TMEM201: variants seen among roughly 807,000 people sequenced by gnomAD.
TMEM201 encodes the protein RP13-15M17.2.
A neutral mutation model predicts 63.4 loss-of-function variants in TMEM201; 26 were observed. The observed-to-expected ratio is 0.41, with a 90% CI of 0.30 to 0.57. The LOEUF (loss-of-function observed/expected upper bound fraction) is 0.57. Ranked by LOEUF, TMEM201 falls within the 20% of genes least tolerant of loss-of-function variation. The probability of loss-of-function intolerance (pLI) is 0.29; values close to 1 mark genes in which losing one functional copy is unlikely to be tolerated. For synonymous variants in TMEM201, 417 were observed against 421.6 expected (o/e 0.99, Z 0.14); for missense variants, 794 against 917.7 (o/e 0.87, Z 1.74).
Position 9,591,359 on chromosome 1 carries a change from GCTTGTCAGCCC to G in TMEM201, c.113+2317_113+2327del, listed in dbSNP as rs1287544707. ...GGCCCTGCCTCGCACCAGAACTTCA[GCTTGTCAGCCC>G]AGCTTCAACCTCTGGGTGCTCATGG... On this transcript the variant is annotated intron_variant, in intron 1 of 10. Transcript: ENST00000340381. Among the ~76,000 whole-genome samples the G allele has an allele frequency of 3.9e-5, 6 of 152,360 alleles. No homozygotes were observed. The East Asian group carries it at 1.2e-3, about 29-fold the overall frequency.
At position 9,598,480 on chromosome 1, in the gene TMEM201, G is replaced by T; in HGVS notation, c.461G>T (p.Arg154Leu). 1 of 1,613,866 alleles carries T rather than the reference G, an allele frequency of 6.2e-7. No homozygotes were observed. Among genetic ancestry groups the T allele is most frequent in the Non-Finnish European group, 8.5e-7 (1 of 1,179,928 alleles). ...GRYDEEVEVY[R>L]HHLEQMYKLC... ...TATGACGAGGAGGTCGAGGTGTACC[G>T]GCATCACCTGGAGCAGATGTACAAG... Residue 154 changes from arginine to leucine, a missense_variant, in exon 4 of 11, where the codon CGG becomes CTG. By Grantham distance (102) the Arg-to-Leu change is moderately radical. Transcript: ENST00000340381.
intron 6 of TMEM201, chr1:9,602,997 G>A: frequency 1.0e-6 from 1 of 985,626 alleles, no homozygotes. Flanking sequence ...AGTTTGGGGA[G>A]CGAGACCCCA....
intron 9 of TMEM201, among the ~76,000 whole-genome samples, chr1:9,611,444 C>T (rs900875413): frequency 9.9e-5 from 15 of 152,234 alleles, no homozygotes; most frequent in African/African-American, 3.4e-4. Context: ...GTGACCCACC[C>T]ATCTTGGCTT....
rs576756183 is a variant in TMEM201 at position 9,601,440 on chromosome 1, G to C, written c.942G>C (p.Leu314=). The C allele has an allele frequency of 6.4e-5, 101 of 1,587,530 alleles. 1 individual carries two copies. Among genetic ancestry groups the C allele is most frequent in the South Asian group, 5.8e-4 (52 of 89,828 alleles). Residue 314 remains leucine (L), a synonymous_variant, in exon 5 of 11, where the codon CTG becomes CTC. Coordinates refer to ENST00000340381, the MANE Select transcript of TMEM201 (RefSeq NM_001130924.3). ...TCACCTGCCTGCTGGCAATGCTGCT[G>C]GCTGGCCGCATCAGGTGTGCATGGG... is the stretch of plus-strand genomic sequence containing the variant. The part of the protein sequence containing the change: ...GLLTCLLAML[L]AGRIRLRRID...
In TMEM201 at chr1:9,592,292, C is replaced by G. The variant is rs183913348; in HGVS notation, c.113+3249C>G. 2.5e-3 allele frequency among the ~76,000 whole-genome samples: 386 copies of G among 152,318 alleles called. 3 individuals carry two copies. Among genetic ancestry groups the G allele is most frequent in the African/African-American group, 8.8e-3 (366 of 41,574 alleles). On this transcript the variant is annotated intron_variant, in intron 1 of 10. Transcript: ENST00000340381. ...GGTGAGGAGCTGCTTGGGAGGCTGG[C>G]CTCTGGCTCCCTGGCCCCTGAGGGA...
chr1:9,603,516 G>A lies in TMEM201; in HGVS notation c.1160+1244G>A, dbSNP rs548554901. 161 of 985,526 alleles carry A rather than the reference G, an allele frequency of 1.6e-4. 1 individual carries two copies. The highest frequency in any genetic ancestry group is 2.5e-4 in the Admixed American group (4 of 16,282). The allele number at this position is 985,526 out of a possible 1,614,324, so 61.0% of individuals were successfully genotyped here. A position where few individuals can be genotyped will look rare whatever the true frequency, so the allele number is the denominator to read the frequency against. On this transcript the variant is annotated intron_variant, in intron 6 of 10. Coordinates refer to ENST00000340381, the MANE Select transcript of TMEM201 (RefSeq NM_001130924.3). The surrounding 1 kb of genome is among the most constrained non-coding windows in gnomAD (Gnocchi z 4.5). ...TCAGGGCCCACATGTCCTGCCACTC[G>A]CCACTCTGAGCACGAGTTCACCTTC...
intron 7 of TMEM201, among the ~76,000 whole-genome samples, chr1:9,609,423 CA>C (rs1391357717): frequency 6.6e-6 from 1 of 152,138 alleles, no homozygotes; most frequent in East Asian, 1.9e-4. Flanking sequence ...TTGGGGTCTG[CA>C]ATTAGTGGAG....
chr1:9,598,684 C>T (rs1341704758), intron 4 of TMEM201, 59 bp downstream of exon 4: 8 of 1,554,094 alleles, frequency 5.1e-6, no homozygotes, highest in Admixed American at 1.8e-5. Flanking sequence ...AGGAAACCCT[C>T]CCAGGAGGCT....
intron 1 of TMEM201, among the ~76,000 whole-genome samples, chr1:9,595,111 C>CT (rs2100459420): frequency 6.6e-6 from 1 of 152,304 alleles, no homozygotes; most frequent in African/African-American, 2.4e-5. Context: ...AACTGGGGGG[C>CT]TTTTTTGGGC....
rs771680808 is a variant in TMEM201 at position 9,589,028 on chromosome 1, A to G, written c.98A>G (p.Tyr33Cys). 23 of 1,143,144 alleles carry G rather than the reference A, an allele frequency of 2.0e-5. No homozygotes were observed. Among genetic ancestry groups the G allele is most frequent in the South Asian group, 2.5e-5 (1 of 39,574 alleles). The allele number at this position is 1,143,144 out of a possible 1,614,324, so 70.8% of individuals were successfully genotyped here. Residue 33 changes from tyrosine (Y) to cysteine (C), a missense_variant, in exon 1 of 11, where the codon TAC (tyrosine) becomes TGC (cysteine). Coordinates refer to ENST00000340381, the MANE Select transcript of TMEM201 (RefSeq NM_001130924.3). Reference protein sequence around the residue: ...TACAAAGVLLYRIARRMKPTH... With the variant: ...TACAAAGVLLCRIARRMKPTH... ...TGCGCCGCGGCCGGCGTGTTGCTCTACCGGATCGCGCGGAGGTGAGTGCAT... is the reference window on the plus strand; with the variant it reads ...TGCGCCGCGGCCGGCGTGTTGCTCTGCCGGATCGCGCGGAGGTGAGTGCAT...
chr1:9,610,887 C>T lies in TMEM201; in HGVS notation c.1765+82C>T. The T allele has an allele frequency of 6.7e-7, 1 of 1,488,268 alleles. No individual in the cohort carries two copies. Among genetic ancestry groups the T allele is most frequent in the Non-Finnish European group, 9.0e-7 (1 of 1,114,590 alleles). 92.2% of individuals were successfully genotyped at this position (1,488,268 alleles called of 1,614,324 possible). A position where few individuals can be genotyped will look rare whatever the true frequency, so the allele number is the denominator to read the frequency against. On this transcript the variant is annotated intron_variant, in intron 9 of 10. Coordinates refer to ENST00000340381, the MANE Select transcript of TMEM201 (RefSeq NM_001130924.3). This position sits in a 1 kb window ranked among gnomAD's most constrained non-coding sequence, Gnocchi z 4.9. ...CTGGCTGTGCGGCGGTGGGGGGGCT[C>T]ATCCTTGCTCTGACTCCGGTGTGCG...
In TMEM201 at chr1:9,607,765, A is replaced by C. The variant is rs1188356428; in HGVS notation, c.1369A>C (p.Thr457Pro). The part of the protein sequence containing the change: ...GRLSRALSLG[T>P]IPSLTRADSG... ...CCTCAGCCGGGCCCTCTCTCTGGGA[A>C]CCATACCCTCTCTGACTCGAGCAGG... is the stretch of plus-strand genomic sequence containing the variant. Residue 457 changes from threonine to proline, a missense_variant, in exon 7 of 11, where the codon ACC (threonine) becomes CCC (proline). Transcript: ENST00000340381. This position sits in a 1 kb window ranked among gnomAD's most constrained non-coding sequence, Gnocchi z 5.4. The C allele has an allele frequency of 5.2e-6, 8 of 1,551,576 alleles. No individual in the cohort carries two copies. In the South Asian group the frequency reaches 9.5e-5, roughly 18 times the overall value.
intron 1 of TMEM201, among the ~76,000 whole-genome samples, chr1:9,594,965 T>A (rs1643989400): frequency 1.3e-5 from 2 of 152,186 alleles, no homozygotes; most frequent in South Asian, 4.1e-4. Context: ...GGCTGCCCAC[T>A]CTGGCAGGGG....
intron 1 of TMEM201, among the ~76,000 whole-genome samples, chr1:9,594,166 G>A (rs985205621): frequency 1.3e-5 from 2 of 152,230 alleles, no homozygotes; most frequent in Non-Finnish European, 2.9e-5. Flanking sequence ...TGAGACTGCG[G>A]CCCTAGAAGG....
Position 9,610,638 on chromosome 1 carries a change from T to C in TMEM201, c.1598T>C (p.Leu533Pro). The C allele has an allele frequency of 1.9e-6, 3 of 1,550,548 alleles. No homozygotes were observed. Among genetic ancestry groups the C allele is most frequent in the Non-Finnish European group, 2.6e-6 (3 of 1,146,892 alleles). The change falls in exon 9 of 11, where the codon CTC becomes CCC. Residue 533 changes from leucine (L) to proline (P), a missense_variant. Physicochemically the swap from Leu to Pro is moderately conservative, Grantham distance 98. Transcript: ENST00000340381. The surrounding 1 kb of genome is among the most constrained non-coding windows in gnomAD (Gnocchi z 4.9). ...HRRPLISPAR[L>P]NLKGQKLLLF... ...AGGCCCCTCATCAGCCCTGCCCGGC[T>C]CAACCTGAAGGGACAGAAGCTGCTG...
At chr1:9,593,128 G>A (rs562070239) in intron 1 of TMEM201, among the ~76,000 whole-genome samples, 1 of 152,248 alleles carries the variant, frequency 6.6e-6, no homozygotes, top group South Asian at 2.1e-4. Flanking sequence ...ACAGGGTCCA[G>A]CCTAGGCTGG....
chr1:9,608,611 GC>G lies in TMEM201; in HGVS notation c.1393+825del, dbSNP rs1644279889. Among the ~76,000 whole-genome samples the G allele has an allele frequency of 6.6e-6, 1 of 152,248 alleles. No individual in the cohort carries two copies. The highest frequency in any genetic ancestry group is 2.4e-5 in the African/African-American group (1 of 41,474). ...CTTGGGGTGGGAGGTGCCAGGAGCA[GC>G]CCTGCCCTGGGCCTGAGCACTCCGA... On this transcript the variant is annotated intron_variant, in intron 7 of 10. Transcript: ENST00000340381. This position sits in a 1 kb window ranked among gnomAD's most constrained non-coding sequence, Gnocchi z 4.3.
At chr1:9,597,216 G>A (rs371702247) in intron 3 of TMEM201, among the ~76,000 whole-genome samples, 163 bp downstream of exon 3, 5 of 152,282 alleles carry the variant, frequency 3.3e-5, no homozygotes, top group African/African-American at 9.6e-5. Flanking sequence ...CCTCATCCTT[G>A]CCACTGCCAG....
rs945463233 is a variant in TMEM201, at chr1:9,604,104, C to T, written c.1160+1832C>T. On this transcript the variant is annotated intron_variant, in intron 6 of 10. Transcript: ENST00000340381. This position sits in a 1 kb window ranked among gnomAD's most constrained non-coding sequence, Gnocchi z 4.1. ...ACGTGGTGGAGCCAGGACGGGAAAG[C>T]GTCCTGTCGGCTGGCCATGCTGTTG... 438 of 985,314 alleles carry T rather than the reference C, an allele frequency of 4.4e-4. No homozygotes were observed. Among genetic ancestry groups the T allele is most frequent in the Non-Finnish European group, 4.9e-4 (410 of 829,950 alleles). The allele number at this position is 985,314 out of a possible 1,614,324, so 61.0% of individuals were successfully genotyped here.
Sources: allele counts gnomAD v4.1 joint callset (sites outside exome capture counted in the v4.1 genomes callset), GRCh38; gene constraint gnomAD v4.1.1; non-coding constraint Gnocchi (gnomAD v3.1); transcripts MANE v1.5; gene names NCBI Gene and HGNC (gene_info 2026-07-23, HGNC 2026-07-21).